Variants in FAM78B observed in about 807,000 individuals in gnomAD.
The protein encoded by FAM78B is family with sequence similarity 78 member B, also known as protein FAM78B.
Under a neutral mutation model 20.0 loss-of-function variants are expected in FAM78B, and 10 were observed. The observed-to-expected ratio is 0.50, with a 90% CI of 0.31 to 0.85. The LOEUF is 0.85. Among genes scored for constraint, FAM78B ranks in the 40% least tolerant of loss-of-function variants. The pLI, the probability that FAM78B is intolerant of heterozygous loss-of-function variation, is 0.05. For synonymous variants in FAM78B, 135 were observed against 132.8 expected (o/e 1.02, Z -0.12); for missense variants, 283 against 345.0 (o/e 0.82, Z 1.42).
intron 1 of FAM78B, among the ~76,000 whole-genome samples, chr1:166,127,882 C>T (rs144548120): frequency 3.9e-5 from 6 of 152,244 alleles, no homozygotes; most frequent in East Asian, 1.9e-4. Context: ...CCTGGTCCAT[C>T]GGGTGGCAAA....
chr1:166,120,835 C>T (rs769316356), intron 1 of FAM78B, among the ~76,000 whole-genome samples: 6 of 152,246 alleles, frequency 3.9e-5, no homozygotes, highest in Non-Finnish European at 8.8e-5. Context: ...AGGCAGGAGA[C>T]TCCAGAACCC....
Position 166,095,606 on chromosome 1 carries a change from C to T in FAM78B, c.264-24843G>A, listed in dbSNP as rs143181448. Among the ~76,000 whole-genome samples, 128 of 152,290 alleles carry T rather than the reference C, an allele frequency of 8.4e-4. 1 individual carries two copies. The highest frequency in any genetic ancestry group is 2.8e-3 in the African/African-American group (116 of 41,542). ...TTATGGCCAGCCCCTCCACCTCTGC[C>T]CCAGTCATTGTGAGCCCGCAGGAAC... On this transcript the variant is annotated intron_variant, in intron 1 of 1. Transcript: ENST00000354422.
intron 1 of FAM78B, chr1:166,154,875 A>T (rs1655836126): frequency 2.1e-6 from 1 of 470,652 alleles, no homozygotes; most frequent in Non-Finnish European, 4.4e-6. Flanking sequence ...TTCCCGCACC[A>T]TCCTAACACC....
At chr1:166,088,338 T>C (rs184548307) in intron 1 of FAM78B, among the ~76,000 whole-genome samples, 1 of 152,250 alleles carries the variant, frequency 6.6e-6, no homozygotes, top group East Asian at 1.9e-4. Context: ...CATCCCTGCA[T>C]GGCCCTTTAC....
chr1:166,087,736 AT>A (rs1455004466), intron 1 of FAM78B, among the ~76,000 whole-genome samples: 2 of 152,190 alleles, frequency 1.3e-5, no homozygotes, highest in Non-Finnish European at 2.9e-5. Flanking sequence ...TGTGTTGTCA[AT>A]TTTTAAAAGT....
chr1:166,154,640 G>C, intron 1 of FAM78B: 1 of 485,320 alleles, frequency 2.1e-6, no homozygotes, highest in East Asian at 5.8e-5. Flanking sequence ...CTGGCTGGGG[G>C]GCAGGGGCAG....
chr1:166,088,887 A>G (rs1317940876), intron 1 of FAM78B, among the ~76,000 whole-genome samples: 5 of 152,082 alleles, frequency 3.3e-5, no homozygotes, highest in African/African-American at 1.2e-4. Context: ...CCAAACCTCT[A>G]ATGTGCTCCA....
intron 1 of FAM78B, among the ~76,000 whole-genome samples, chr1:166,150,206 C>A (rs937662055): frequency 3.7e-4 from 55 of 150,000 alleles, no homozygotes; most frequent in Non-Finnish European, 7.4e-4. Flanking sequence ...AGTGGGACAA[C>A]GTGCTGGACT....
At chr1:166,071,423 A>G (rs748796104) in intron 1 of FAM78B, among the ~76,000 whole-genome samples, 1 of 152,174 alleles carries the variant, frequency 6.6e-6, no homozygotes, top group Non-Finnish European at 1.5e-5. Flanking sequence ...CCGCTCTCCC[A>G]TTGCCTTCCA....
chr1:166,069,186 T>C (rs1171314250), downstream of FAM78B, among the ~76,000 whole-genome samples: 1 of 152,136 alleles, frequency 6.6e-6, no homozygotes, highest in Non-Finnish European at 1.5e-5. Flanking sequence ...GTGGCAAATA[T>C]GCTAGTAATT....
At chr1:166,157,395 C>T (rs959575133) in intron 1 of FAM78B, among the ~76,000 whole-genome samples, 1 of 151,242 alleles carries the variant, frequency 6.6e-6, no homozygotes, top group African/African-American at 2.4e-5. Flanking sequence ...AAACTAGATG[C>T]TGGCTTATTA....
At chr1:166,164,409 T>C (rs772814327) in intron 1 of FAM78B, among the ~76,000 whole-genome samples, 2 of 152,260 alleles carry the variant, frequency 1.3e-5, no homozygotes, top group Admixed American at 6.5e-5. Context: ...TGTTCACATA[T>C]AATCATTCTT....
chr1:166,102,927 A>T (rs1055391230), intron 1 of FAM78B, among the ~76,000 whole-genome samples: 6 of 152,170 alleles, frequency 3.9e-5, no homozygotes, highest in Non-Finnish European at 8.8e-5. Flanking sequence ...ACGACACCAC[A>T]CCTATTCCAA....
chr1:166,077,870 ATAATTATATATATAATAAAT>A (rs1257729180), intron 1 of FAM78B, among the ~76,000 whole-genome samples: 32 of 14,648 alleles, frequency 2.2e-3, no homozygotes, highest in South Asian at 3.8e-3. Flanking sequence ...ATTTATATAT[ATAATTATATATATAATAAAT>A]ATATATAATT....
chr1:166,106,212 G>T (rs1427726569), intron 1 of FAM78B, among the ~76,000 whole-genome samples: 1 of 121,184 alleles, frequency 8.3e-6, no homozygotes, highest in Admixed American at 9.3e-5. Flanking sequence ...GTTGTGGGGT[G>T]GGGGGAGGGG....
chr1:166,083,289 G>C (rs12132672), intron 1 of FAM78B, among the ~76,000 whole-genome samples: 23,349 of 152,070 alleles, frequency 0.15, 2,201 homozygotes, highest in East Asian at 0.28. Context: ...GTAATAAAAA[G>C]GAATGAGTTA....
At chr1:166,163,805 G>C (rs115683374) in intron 1 of FAM78B, among the ~76,000 whole-genome samples, 1 of 152,180 alleles carries the variant, frequency 6.6e-6, no homozygotes, top group African/African-American at 2.4e-5. Flanking sequence ...GTAGACTGTG[G>C]ACACAAATCT....
In FAM78B at chr1:166,166,191, C is replaced by G; in HGVS notation, c.58G>C (p.Val20Leu). 1.9e-6 allele frequency: 3 copies of G among 1,591,216 alleles called. No individual in the cohort carries two copies. Among genetic ancestry groups the G allele is most frequent in the Non-Finnish European group, 2.6e-6 (3 of 1,168,012 alleles). ...KARIRRENIVVYDVCATIDQC... is the reference protein window; with the variant it reads ...KARIRRENIVLYDVCATIDQC... The stretch of plus-strand genomic sequence containing the variant: ...TCGATGGTGGCGCACACATCGTACA[C>G]CACGATGTTCTCGCGCCGGATCCGC... The change falls in exon 1 of 2, where the codon GTG becomes CTG. Residue 20 changes from valine (V) to leucine (L), a missense_variant. Val to Leu is a conservative substitution (Grantham distance 32). Coordinates refer to ENST00000354422, the MANE Select transcript of FAM78B (RefSeq NM_001017961.5).
At chr1:166,062,481 CTTTG>C (rs568300318) in intron 2 of FAM78B, among the ~76,000 whole-genome samples, 70 of 152,304 alleles carry the variant, frequency 4.6e-4, no homozygotes, top group African/African-American at 1.2e-3. Context: ...AGGCGTTTTC[CTTTG>C]TTTGATTTTG....
Sources: gnomAD v4.1 joint callset for allele counts (sites outside exome capture counted in the v4.1 genomes callset) on GRCh38, gnomAD v4.1.1 for gene constraint, MANE v1.5 for transcripts, NCBI Gene and HGNC (gene_info 2026-07-23, HGNC 2026-07-21) for gene names.